BTD: variants seen among roughly 807,000 people sequenced by gnomAD.
The protein encoded by BTD is biotinidase, also known as biocytinase.
BTD carries 13 observed loss-of-function variants against 17.7 expected under a neutral mutation model. That is an observed-to-expected ratio of 0.74 (90% CI 0.48 to 1.17). BTD has a LOEUF of 1.17. BTD is among the 50% of genes most tolerant of loss of function. BTD has a pLI of 0.00. For synonymous variants in BTD, 240 were observed against 245.2 expected (o/e 0.98, Z 0.20); for missense variants, 674 against 650.4 (o/e 1.04, Z -0.39).
downstream of BTD, chr3:15,713,423 T>C: frequency 1.2e-6 from 1 of 836,312 alleles, no homozygotes; most frequent in Non-Finnish European, 1.9e-6. Context: ...TAATACAACA[T>C]TGAGGATAAA....
At chr3:15,627,909 T>C (rs956087891) in intron 1 of BTD, among the ~76,000 whole-genome samples, 1 of 151,892 alleles carries the variant, frequency 6.6e-6, no homozygotes, top group African/African-American at 2.4e-5. Context: ...TTTAGTAGAG[T>C]TGGGGTTTCA....
Position 15,637,346 on chromosome 3 carries a change from A to G in BTD, c.249+1658A>G, listed in dbSNP as rs145959260. 3.3e-3 allele frequency among the ~76,000 whole-genome samples: 500 copies of G among 152,254 alleles called. 3 individuals are homozygous for G. Among genetic ancestry groups the G allele is most frequent in the African/African-American group, 0.01 (436 of 41,540 alleles). On this transcript the variant is annotated intron_variant, in intron 2 of 3. Coordinates refer to ENST00000643237, the MANE Select transcript of BTD (RefSeq NM_001370658.1). ...TGTCCCCAGAAAACTGCTGGCAGCC[A>G]CATGTCTCATTATGGGTGTATAAGG...
At chr3:15,704,531 A>C (rs907830013) in intron 3 of BTD, among the ~76,000 whole-genome samples, 5 of 152,116 alleles carry the variant, frequency 3.3e-5, no homozygotes, top group South Asian at 2.1e-4. Context: ...CAAATAAGCA[A>C]ATGTACATTA....
rs117645000 is a variant in BTD at position 15,650,407 on chromosome 3, A to C, written c.*4919A>C. Among the ~76,000 whole-genome samples, 670 of 149,300 alleles carry C rather than the reference A, an allele frequency of 4.5e-3. 8 individuals are homozygous for C. Among genetic ancestry groups the C allele is most frequent in the South Asian group, 0.015 (72 of 4,660 alleles). Reference sequence around the variant, plus strand: ...AACTTTTCTTCTCATTTTCCTTCTCATTCTCTTCATCTTTTTCTTTTTGTT... The same window carrying C: ...AACTTTTCTTCTCATTTTCCTTCTCCTTCTCTTCATCTTTTTCTTTTTGTT... On this transcript the variant is annotated 3_prime_UTR_variant, in exon 4 of 4. Transcript: ENST00000643237.
In BTD at chr3:15,649,399, G is replaced by T. The variant is rs1047815469; in HGVS notation, c.*3911G>T. 3.9e-5 allele frequency among the ~76,000 whole-genome samples: 6 copies of T among 152,246 alleles called. No homozygotes were observed. Among genetic ancestry groups the T allele is most frequent in the African/African-American group, 1.4e-4 (6 of 41,460 alleles). On this transcript the variant is annotated 3_prime_UTR_variant, in exon 4 of 4. Coordinates refer to ENST00000643237, the MANE Select transcript of BTD (RefSeq NM_001370658.1). Reference sequence around the variant, plus strand: ...GTCAGCCCTGCTCCCTATGGAAAGAGACAGAGGGTGTTAGATGCCCAGAGG... The same window carrying T: ...GTCAGCCCTGCTCCCTATGGAAAGATACAGAGGGTGTTAGATGCCCAGAGG...
At chr3:15,642,135 TTAAC>T (rs897815712) in intron 3 of BTD, 78 bp downstream of exon 3, 28 of 1,582,128 alleles carry the variant, frequency 1.8e-5, no homozygotes, top group Non-Finnish European at 2.3e-5. Context: ...CTGTGACATG[TTAAC>T]TAAGATTGAT....
Position 15,642,035 on chromosome 3 carries a change from C to G in BTD, c.377C>G (p.Pro126Arg), listed in dbSNP as rs371116229. The G allele has an allele frequency of 4.6e-5, 74 of 1,614,036 alleles. No homozygotes were observed. Among genetic ancestry groups the G allele is most frequent in the Non-Finnish European group, 6.2e-5 (73 of 1,180,032 alleles). The part of the protein sequence containing the change: ...QVVRWNPCLE[P>R]HRFNDTEVLQ... ...GTCAGGTGGAACCCATGCCTGGAGC[C>G]TCACCGCTTCAATGACACAGAGGTG... Residue 126 changes from proline to arginine, a missense_variant, in exon 3 of 4, where the codon CCT (proline) becomes CGT (arginine). Transcript: ENST00000643237.
Position 15,653,239 on chromosome 3 carries a change from T to G in BTD, c.*7751T>G, listed in dbSNP as rs1344185700. Among the ~76,000 whole-genome samples the G allele has an allele frequency of 1.3e-5, 2 of 152,256 alleles. No homozygotes were observed. Among genetic ancestry groups the G allele is most frequent in the African/African-American group, 4.8e-5 (2 of 41,466 alleles). On this transcript the variant is annotated 3_prime_UTR_variant, in exon 4 of 4. Transcript: ENST00000643237. ...CCATCAATCTGTGTTTAACAAGTCC[T>G]CCAGGTGATTCCGATCCTAATCAAG...
chr3:15,686,983 G>A (rs1437958120), intron 3 of BTD, among the ~76,000 whole-genome samples: 14 of 147,924 alleles, frequency 9.5e-5, no homozygotes, highest in East Asian at 5.9e-4. Flanking sequence ...TCGCTCTGTC[G>A]CCCAGGCTGG....
chr3:15,690,747 T>A (rs1046263722), intron 3 of BTD, among the ~76,000 whole-genome samples: 4 of 152,104 alleles, frequency 2.6e-5, no homozygotes, highest in Non-Finnish European at 5.9e-5. Flanking sequence ...CTTTTAATTT[T>A]TGTAGTGATG....
At chr3:15,680,596 G>T (rs2067435021) in intron 3 of BTD, among the ~76,000 whole-genome samples, 1 of 152,078 alleles carries the variant, frequency 6.6e-6, no homozygotes. Context: ...TAAAGTGATT[G>T]CTAGTTTAAA....
At chr3:15,603,348 G>A (rs1354541010) in intron 1 of BTD, among the ~76,000 whole-genome samples, 1 of 152,156 alleles carries the variant, frequency 6.6e-6, no homozygotes. Flanking sequence ...TTCCGCCTAT[G>A]AGCCTGTAAA....
chr3:15,601,417 C>A (rs1198293253), upstream of BTD: 4 of 1,614,054 alleles, frequency 2.5e-6, no homozygotes, highest in Non-Finnish European at 2.5e-6. Flanking sequence ...GACTTTAGCA[C>A]CAGACACCTG....
At chr3:15,627,965 A>G (rs907616133) in intron 1 of BTD, among the ~76,000 whole-genome samples, 3 of 151,808 alleles carry the variant, frequency 2.0e-5, no homozygotes, top group Non-Finnish European at 4.4e-5. Context: ...CAGGTGATCT[A>G]CCCACCTTGG....
At chr3:15,615,732 G>A (rs1223380308) in intron 1 of BTD, among the ~76,000 whole-genome samples, 1 of 152,162 alleles carries the variant, frequency 6.6e-6, no homozygotes, top group African/African-American at 2.4e-5. Flanking sequence ...TGGTATGTTT[G>A]TTATAATCAG....
Position 15,648,874 on chromosome 3 carries a change from G to A in BTD, c.*3386G>A, listed in dbSNP as rs188910437. Among the ~76,000 whole-genome samples the A allele has an allele frequency of 2.6e-5, 4 of 152,222 alleles. No homozygotes were observed. The highest frequency in any genetic ancestry group is 9.6e-5 in the African/African-American group (4 of 41,538). On this transcript the variant is annotated 3_prime_UTR_variant, in exon 4 of 4. Coordinates refer to ENST00000643237, the MANE Select transcript of BTD (RefSeq NM_001370658.1). ...GAGAAGATGACCATGTGACAACAGG[G>A]GCAGAGATCACAGGGATGCCTCTAC...
intron 1 of BTD, among the ~76,000 whole-genome samples, chr3:15,625,237 G>A (rs1355133301): frequency 6.6e-6 from 1 of 152,164 alleles, no homozygotes; most frequent in Non-Finnish European, 1.5e-5. Context: ...CTTTACAAGT[G>A]CTTCTCAGCC....
chr3:15,663,273 C>A (rs1054759155), intron 3 of BTD, among the ~76,000 whole-genome samples: 2 of 152,206 alleles, frequency 1.3e-5, no homozygotes, highest in African/African-American at 2.4e-5. Flanking sequence ...GGATTACAGG[C>A]GTGAGCCGCC....
chr3:15,633,278 G>A (rs948778682), intron 1 of BTD, among the ~76,000 whole-genome samples: 3 of 152,164 alleles, frequency 2.0e-5, no homozygotes, highest in Admixed American at 2.0e-4. Flanking sequence ...GGATACTGAG[G>A]GCCGGCTGAC....
Sources: allele counts gnomAD v4.1 joint callset (sites outside exome capture counted in the v4.1 genomes callset), GRCh38; gene constraint gnomAD v4.1.1; transcripts MANE v1.5; gene names NCBI Gene and HGNC (gene_info 2026-07-23, HGNC 2026-07-21).